Variants in ANK3 observed in about 807,000 individuals in gnomAD.
The protein encoded by ANK3 is ankyrin-3.
In ANK3, 57 loss-of-function variants were observed where a neutral mutation model predicts 370.9. That is an observed-to-expected ratio of 0.15 (90% confidence interval 0.12 to 0.19). The LOEUF (loss-of-function observed/expected upper bound fraction) is 0.19, where lower values mean the gene tolerates loss of function less well. ANK3 is among the 10% of genes least tolerant of loss of function. The pLI, the probability that ANK3 is intolerant of heterozygous loss-of-function variation, is 1.00. For missense variants in ANK3, 4,439 were observed against 5,302.1 expected (o/e 0.84, Z 5.06); for synonymous variants, 1,929 against 1,946.3 (o/e 0.99, Z 0.23).
intron 2 of ANK3, among the ~76,000 whole-genome samples, chr10:60,417,508 G>C (rs1174952796): frequency 6.6e-6 from 1 of 152,214 alleles, no homozygotes; most frequent in African/African-American, 2.4e-5. Context: ...CCTGATCTCA[G>C]AAACAGATGT....
intron 7 of ANK3, among the ~76,000 whole-genome samples, chr10:60,236,533 T>C (rs2097337236): frequency 6.6e-6 from 1 of 152,188 alleles, no homozygotes; most frequent in African/African-American, 2.4e-5. Flanking sequence ...ACACCTGGAT[T>C]TGACTGATTG....
chr10:60,100,425 C>T (rs1446959168), intron 28 of ANK3, among the ~76,000 whole-genome samples: 1 of 151,884 alleles, frequency 6.6e-6, no homozygotes, highest in East Asian at 1.9e-4. Context: ...CACTATTGGT[C>T]TCATGGCAAA....
At chr10:60,124,138 A>C (rs1038326047) in intron 25 of ANK3, among the ~76,000 whole-genome samples, 1 of 152,134 alleles carries the variant, frequency 6.6e-6, no homozygotes, top group African/African-American at 2.4e-5. Context: ...AGATGATGCT[A>C]ATCTCATACC....
chr10:60,454,953 TAAAA>T (rs2064709221), intron 2 of ANK3, among the ~76,000 whole-genome samples: 1 of 152,222 alleles, frequency 6.6e-6, no homozygotes, highest in Middle Eastern at 3.2e-3. Context: ...GACATTATTG[TAAAA>T]ACTCCATTTC....
chr10:60,128,384 CT>C (rs56104024), intron 25 of ANK3, among the ~76,000 whole-genome samples: 56,329 of 145,722 alleles, frequency 0.39, 11,389 homozygotes, highest in African/African-American at 0.54. Flanking sequence ...CATTTTTTTT[CT>C]TTTTTTTTTT....
intron 2 of ANK3, among the ~76,000 whole-genome samples, chr10:60,523,354 A>G (rs962599128): frequency 1.3e-5 from 2 of 151,364 alleles, no homozygotes; most frequent in Non-Finnish European, 2.9e-5. Context: ...CTCATTATTT[A>G]GCATTAGGTG....
chr10:60,127,944 A>G (rs367546969), intron 25 of ANK3, among the ~76,000 whole-genome samples: 6 of 152,050 alleles, frequency 3.9e-5, no homozygotes, highest in East Asian at 3.9e-4. Context: ...TGATCTGCCC[A>G]CCTTGGCCTC....
At chr10:60,204,551 C>T (rs1318905118) in intron 11 of ANK3, among the ~76,000 whole-genome samples, 1 of 152,128 alleles carries the variant, frequency 6.6e-6, no homozygotes, top group African/African-American at 2.4e-5. Context: ...GGCAAATATT[C>T]CATTTGCAGG....
intron 7 of ANK3, among the ~76,000 whole-genome samples, chr10:60,247,638 C>T (rs1201998531): frequency 6.6e-6 from 1 of 152,110 alleles, no homozygotes; most frequent in East Asian, 1.9e-4. Context: ...TTGTGACTGG[C>T]TTATTTCACT....
intron 1 of ANK3, among the ~76,000 whole-genome samples, chr10:60,313,704 T>C (rs2046825546): frequency 6.6e-6 from 1 of 152,218 alleles, no homozygotes. Flanking sequence ...ACATCCTCAA[T>C]ATTTACAGAA....
chr10:60,657,285 C>T (rs1204332769), intron 1 of ANK3, among the ~76,000 whole-genome samples: 3 of 152,164 alleles, frequency 2.0e-5, no homozygotes, highest in Non-Finnish European at 4.4e-5. Context: ...ATTATTGGAA[C>T]TACAATTCAA....
Position 60,070,351 on chromosome 10 carries a change from A to G in ANK3, c.10530T>C (p.Pro3510=). Residue 3510 remains proline (P), a synonymous_variant, in exon 37 of 44, where the codon CCT becomes CCC. Transcript: ENST00000280772. The surrounding 1 kb of genome is among the most constrained non-coding windows in gnomAD (Gnocchi z 5.7). ...AAGTATCAGGAAACACTGATCTGTCAGGATGTCTGCCTTCCAGTGTGAAGA... is the reference window on the plus strand; with the variant it reads ...AAGTATCAGGAAACACTGATCTGTCGGGATGTCTGCCTTCCAGTGTGAAGA... ...AQFFTLEGRH[P]DRSVFPDTYF... is the part of the protein sequence containing the mutation. 1 of 1,614,138 alleles carries G rather than the reference A, an allele frequency of 6.2e-7. No homozygotes were observed. Among genetic ancestry groups the G allele is most frequent in the Non-Finnish European group, 8.5e-7 (1 of 1,180,012 alleles).
rs1186073280 is a variant in ANK3 at position 60,027,680 on chromosome 10, T to G, written c.*2166A>C. 1 of 152,202 alleles carries G rather than the reference T, an allele frequency of 6.6e-6. No homozygotes were observed. Among genetic ancestry groups the G allele is most frequent in the Non-Finnish European group, 1.5e-5 (1 of 68,040 alleles). The allele number at this position is 152,202 out of a possible 1,614,324, so 9.4% of individuals were successfully genotyped here. On this transcript the variant is annotated 3_prime_UTR_variant, in exon 44 of 44. Coordinates refer to ENST00000280772, the MANE Select transcript of ANK3 (RefSeq NM_020987.5). Reference sequence around the variant, plus strand: ...ACAGAGAATAGCATGTAGTGAGCACTCCAGTTTTAGTGATGATGATCACAG... The same window carrying G: ...ACAGAGAATAGCATGTAGTGAGCACGCCAGTTTTAGTGATGATGATCACAG...
chr10:60,465,326 C>A (rs545480559), intron 2 of ANK3, among the ~76,000 whole-genome samples: 8 of 152,124 alleles, frequency 5.3e-5, no homozygotes, highest in African/African-American at 1.9e-4. Context: ...ACTACTGAGA[C>A]TTGTGTAGGA....
At chr10:60,045,916 A>ATTTT (rs35437805) in intron 42 of ANK3, among the ~76,000 whole-genome samples, 2 of 149,328 alleles carry the variant, frequency 1.3e-5, no homozygotes, top group Non-Finnish European at 1.5e-5. Flanking sequence ...TTTTGTTCTC[A>ATTTT]TTTTTTTTTT....
rs1471750210 is a variant in ANK3 at position 60,261,899 on chromosome 10, A to C, written c.758T>G (p.Leu253Trp). 6.2e-7 allele frequency: 1 copy of C among 1,614,032 alleles called. No homozygotes were observed. The highest frequency in any genetic ancestry group is 1.7e-5 in the Admixed American group (1 of 59,996). The change falls in exon 7 of 44, where the codon TTG becomes TGG. Residue 253 changes from leucine to tryptophan, a missense_variant. By Grantham distance (61) the Leu-to-Trp change is moderately conservative (BLOSUM62 -2). Transcript: ENST00000280772. ...AHYGNINVAT[L>W]LLNRAAAVDF... is the part of the protein sequence containing the mutation. ...CACAGCAGCCGCTCGGTTTAACAGC[A>C]ACGTGGCTACATTGATATTTCCATA...
At chr10:60,539,659 A>C (rs568321302) in intron 2 of ANK3, among the ~76,000 whole-genome samples, 1 of 152,068 alleles carries the variant, frequency 6.6e-6, no homozygotes, top group South Asian at 2.1e-4. Flanking sequence ...AGAAGTAGTC[A>C]AATGTACATA....
At chr10:60,601,334 C>T (rs570868542) in intron 2 of ANK3, among the ~76,000 whole-genome samples, 21 of 151,760 alleles carry the variant, frequency 1.4e-4, no homozygotes, top group Admixed American at 5.3e-4. Flanking sequence ...AAAGTTATAA[C>T]GCAAAACATG....
rs1169358118 is a variant in ANK3, at chr10:60,477,420, CTTGAA to C, written c.96+137761_96+137765del. On this transcript the variant is annotated intron_variant, in intron 2 of 43. Coordinates refer to the ANK3 transcript ENST00000373827. The stretch of plus-strand genomic sequence containing the variant: ...CACAGAAATTATATTTTTCTGTACT[CTTGAA>C]TTATGTTCTAATTTCTAAAGCAAAA... 2.0e-5 allele frequency among the ~76,000 whole-genome samples: 3 copies of C among 151,780 alleles called. No homozygotes were observed. In the East Asian group the frequency reaches 5.8e-4, roughly 29 times the overall value.
Sources: allele counts gnomAD v4.1 joint callset (sites outside exome capture counted in the v4.1 genomes callset), GRCh38; gene constraint gnomAD v4.1.1; non-coding constraint Gnocchi (gnomAD v3.1); transcripts MANE v1.5; gene names NCBI Gene and HGNC (gene_info 2026-07-23, HGNC 2026-07-21).